The following CCNJL variants were observed in gnomAD, a reference collection of about 807,000 sequenced individuals.
CCNJL encodes cyclin J like.
Under a neutral mutation model 33.4 loss-of-function variants are expected in CCNJL, and 33 were observed. The ratio of observed to expected loss-of-function variants is 0.99; its 90% CI spans 0.75 to 1.32. The LOEUF (loss-of-function observed/expected upper bound fraction) is 1.32, where lower values mean the gene tolerates loss of function less well. Ranked by LOEUF, CCNJL falls within the 40% of genes most tolerant of loss-of-function variation. CCNJL has a pLI of 0.00. For synonymous variants in CCNJL, 227 were observed against 220.9 expected, an observed-to-expected ratio of 1.03 and a Z score of -0.24; for missense variants, 512 against 499.7, an observed-to-expected ratio of 1.02 and a Z score of -0.23.
chr5:160,329,752 C>G (rs1763583865), intron 1 of CCNJL, among the ~76,000 whole-genome samples: 2 of 152,216 alleles, frequency 1.3e-5, no homozygotes. Context: ...AGCCCACCAC[C>G]TCTGCTCAGC....
At chr5:160,261,815 T>C (rs1484475642) in intron 3 of CCNJL, among the ~76,000 whole-genome samples, 4 of 152,194 alleles carry the variant, frequency 2.6e-5, no homozygotes, top group Non-Finnish European at 5.9e-5. Flanking sequence ...TTAATATGAA[T>C]GGCTGGCATC....
At chr5:160,257,481 TAAAAATA>T (rs1761120779) in intron 4 of CCNJL, among the ~76,000 whole-genome samples, 1 of 150,468 alleles carries the variant, frequency 6.6e-6, no homozygotes, top group Non-Finnish European at 1.5e-5. Context: ...TCTCAAAAAA[TAAAAATA>T]AAAAATAAAA....
intron 4 of CCNJL, among the ~76,000 whole-genome samples, chr5:160,256,819 G>A (rs1424435173): frequency 6.6e-6 from 1 of 152,038 alleles, no homozygotes; most frequent in Non-Finnish European, 1.5e-5. Context: ...TTGGGAGGCT[G>A]AGGCAGGAGA....
At chr5:160,298,028 C>A (rs1297841955) in intron 2 of CCNJL, among the ~76,000 whole-genome samples, 1 of 152,176 alleles carries the variant, frequency 6.6e-6, no homozygotes, top group Non-Finnish European at 1.5e-5. Flanking sequence ...TGCAAGTCCT[C>A]TGCTCTATGT....
chr5:160,305,105 C>T (rs1465605650), intron 2 of CCNJL, among the ~76,000 whole-genome samples: 5 of 151,958 alleles, frequency 3.3e-5, no homozygotes, highest in African/African-American at 9.7e-5. Context: ...TGAGCCACCG[C>T]GCCTGGCCAG....
At chr5:160,281,206 A>T (rs1047444152) in intron 2 of CCNJL, among the ~76,000 whole-genome samples, 2 of 152,206 alleles carry the variant, frequency 1.3e-5, no homozygotes, top group Admixed American at 6.5e-5. Flanking sequence ...AAATGTATGC[A>T]AAATGCCTAG....
At chr5:160,328,636 C>T (rs369240861) in intron 1 of CCNJL, among the ~76,000 whole-genome samples, 12 of 151,170 alleles carry the variant, frequency 7.9e-5, no homozygotes, top group African/African-American at 2.7e-4. Flanking sequence ...TCCTGTAATC[C>T]CAGCTCTTTG....
At chr5:160,272,185 T>C (rs949596129) in intron 3 of CCNJL, among the ~76,000 whole-genome samples, 4 of 152,236 alleles carry the variant, frequency 2.6e-5, no homozygotes, top group Non-Finnish European at 5.9e-5. Context: ...TTCAAGTTTC[T>C]GAAATCTCCA....
intron 2 of CCNJL, among the ~76,000 whole-genome samples, chr5:160,306,853 T>C (rs1426395055): frequency 2.0e-5 from 3 of 152,348 alleles, no homozygotes; most frequent in South Asian, 2.1e-4. Flanking sequence ...CCTGCAGTTA[T>C]TTTCCTAAGA....
rs1477802757 is a variant in CCNJL at position 160,280,667 on chromosome 5, C to A, written c.138G>T (p.Leu46=). 1 of 1,613,392 alleles carries A rather than the reference C, an allele frequency of 6.2e-7. No homozygotes were observed. Among genetic ancestry groups the A allele is most frequent in the Admixed American group, 1.7e-5 (1 of 59,980 alleles). The change falls in exon 3 of 6, where the codon CTG becomes CTT. Residue 46 remains leucine, a synonymous_variant. Transcript: ENST00000257536. ...LKSRRFFVDI[L]TLLSSHCQLC... ...GCTGGCAGTGGCTGCTCAGCAGGGT[C>A]AGGATGTCCACGAAGAACCGGCGGC...
At chr5:160,267,416 G>A (rs1761645778) in intron 3 of CCNJL, among the ~76,000 whole-genome samples, 1 of 152,158 alleles carries the variant, frequency 6.6e-6, no homozygotes, top group African/African-American at 2.4e-5. Flanking sequence ...CATGAGGGTA[G>A]GGAACAAATC....
chr5:160,339,463 T>C (rs1471377149), exon 1 of CCNJL: 1 of 452,582 alleles, frequency 2.2e-6, no homozygotes, highest in Non-Finnish European at 4.5e-6. Flanking sequence ...GTGTTTGTAA[T>C]ATTTCAGTAC....
At chr5:160,304,357 A>G (rs906392764) in intron 2 of CCNJL, among the ~76,000 whole-genome samples, 3 of 152,150 alleles carry the variant, frequency 2.0e-5, no homozygotes, top group Admixed American at 6.5e-5. Flanking sequence ...GCGGTTTTCA[A>G]TTCTTCCCAG....
chr5:160,267,655 G>C (rs1761659326), intron 3 of CCNJL, among the ~76,000 whole-genome samples: 1 of 152,092 alleles, frequency 6.6e-6, no homozygotes, highest in African/African-American at 2.4e-5. Context: ...GATGTGTCAG[G>C]CTAGTTTCAG....
chr5:160,288,145 G>A (rs976033364), intron 2 of CCNJL, among the ~76,000 whole-genome samples: 1 of 151,984 alleles, frequency 6.6e-6, no homozygotes, highest in Non-Finnish European at 1.5e-5. Context: ...TAATAGCTAC[G>A]GGCTAGAAAA....
chr5:160,277,744 GTT>G (rs57967385), intron 3 of CCNJL, among the ~76,000 whole-genome samples: 6 of 125,194 alleles, frequency 4.8e-5, no homozygotes, highest in South Asian at 2.7e-4. Context: ...CTGTCTATCT[GTT>G]TTTTTTTTTT....
chr5:160,304,822 CTTTT>C (rs10658968), intron 2 of CCNJL, among the ~76,000 whole-genome samples: 1 of 146,122 alleles, frequency 6.8e-6, no homozygotes, highest in South Asian at 2.1e-4. Flanking sequence ...TACTTTCTTT[CTTTT>C]TTTTTTTAGA....
intron 2 of CCNJL, 122 bp from the exon 3 acceptor site, chr5:160,280,860 A>AC: frequency 2.7e-6 from 2 of 750,086 alleles, no homozygotes; most frequent in Non-Finnish European, 4.7e-6. Context: ...TACCCTTCTT[A>AC]GTTTTCCTGC....
chr5:160,260,788 C>A (rs1332774065), intron 3 of CCNJL, among the ~76,000 whole-genome samples: 3 of 152,174 alleles, frequency 2.0e-5, no homozygotes. Flanking sequence ...GCCTGGAGCA[C>A]CCTTCCCCAT....
Sources: gnomAD v4.1 joint callset for allele counts (sites outside exome capture counted in the v4.1 genomes callset) on GRCh38, gnomAD v4.1.1 for gene constraint, MANE v1.5 for transcripts, NCBI Gene and HGNC (gene_info 2026-07-23, HGNC 2026-07-21) for gene names.